The following SLC16A9 variants were observed in gnomAD, a reference collection of about 807,000 sequenced individuals.
SLC16A9 encodes monocarboxylate transporter 9.
A neutral mutation model predicts 44.3 loss-of-function variants in SLC16A9; 26 were observed. The observed-to-expected ratio is 0.59, with a 90% CI of 0.43 to 0.81. SLC16A9 has a LOEUF of 0.81. Ranked by LOEUF, SLC16A9 falls within the 40% of genes least tolerant of loss-of-function variation. SLC16A9 has a pLI of 0.00. For synonymous variants in SLC16A9, 230 were observed against 225.1 expected (o/e 1.02, Z -0.19); for missense variants, 559 against 595.8 (o/e 0.94, Z 0.64).
intron 1 of SLC16A9, among the ~76,000 whole-genome samples, chr10:59,690,395 C>A (rs1171650): frequency 2.6e-4 from 40 of 151,858 alleles, no homozygotes; most frequent in Non-Finnish European, 5.1e-4. Flanking sequence ...CAAAAGAGTA[C>A]GTACACGATT....
At chr10:59,693,178 T>C (rs781643725) in intron 1 of SLC16A9, among the ~76,000 whole-genome samples, 1 of 152,234 alleles carries the variant, frequency 6.6e-6, no homozygotes, top group African/African-American at 2.4e-5. Context: ...CTGATTTTTA[T>C]AACAATTTTT....
At chr10:59,686,187 C>T (rs746605781) in intron 1 of SLC16A9, among the ~76,000 whole-genome samples, 1 of 152,092 alleles carries the variant, frequency 6.6e-6, no homozygotes, top group Non-Finnish European at 1.5e-5. Flanking sequence ...ACATCATTAC[C>T]ACATTTGTTT....
chr10:59,659,369 C>A (rs1008346013), intron 4 of SLC16A9, among the ~76,000 whole-genome samples: 3 of 152,056 alleles, frequency 2.0e-5, no homozygotes, highest in Non-Finnish European at 4.4e-5. Context: ...AATTTTCGTT[C>A]CTTTTCTCCT....
intron 1 of SLC16A9, among the ~76,000 whole-genome samples, chr10:59,701,520 CT>C (rs1316212475): frequency 3.3e-5 from 5 of 152,190 alleles, no homozygotes; most frequent in African/African-American, 9.7e-5. Context: ...GACAATCATT[CT>C]TTCCCTCATG....
intron 1 of SLC16A9, among the ~76,000 whole-genome samples, chr10:59,687,133 G>GGCCA (rs1840152456): frequency 6.6e-6 from 1 of 152,154 alleles, no homozygotes; most frequent in Non-Finnish European, 1.5e-5. Flanking sequence ...TTGAACCCCT[G>GGCCA]ACCTCAGGTG....
intron 1 of SLC16A9, among the ~76,000 whole-genome samples, chr10:59,707,833 C>T (rs1296899024): frequency 6.6e-6 from 1 of 152,134 alleles, no homozygotes; most frequent in South Asian, 2.1e-4. Flanking sequence ...CAGATCCACC[C>T]CAGACCACCA....
intron 4 of SLC16A9, 47 bp from the exon 5 acceptor site, chr10:59,654,636 A>C (rs1839309099): frequency 6.9e-7 from 1 of 1,446,654 alleles, no homozygotes; most frequent in Non-Finnish European, 9.1e-7. Flanking sequence ...TGAGGCTCTC[A>C]GGATTAGAAT....
chr10:59,687,750 C>T (rs1276149618), intron 1 of SLC16A9, among the ~76,000 whole-genome samples: 1 of 152,024 alleles, frequency 6.6e-6, no homozygotes, highest in African/African-American at 2.4e-5. Context: ...GGCTTGAGCC[C>T]AGGAGTTCGA....
chr10:59,678,304 A>G (rs1839903967), intron 2 of SLC16A9, among the ~76,000 whole-genome samples: 2 of 151,818 alleles, frequency 1.3e-5, no homozygotes, highest in Non-Finnish European at 2.9e-5. Context: ...AGGGAGCCCA[A>G]GGTGTGAGCT....
chr10:59,682,077 C>T (rs1840038204), intron 2 of SLC16A9, among the ~76,000 whole-genome samples: 1 of 152,022 alleles, frequency 6.6e-6, no homozygotes, highest in Admixed American at 6.6e-5. Flanking sequence ...TAAGGTCACT[C>T]AGCTCAATGG....
intron 2 of SLC16A9, among the ~76,000 whole-genome samples, chr10:59,675,135 T>G (rs1291117112): frequency 6.6e-6 from 1 of 152,124 alleles, no homozygotes; most frequent in Middle Eastern, 3.2e-3. Context: ...GGTCAGAGAT[T>G]AAAGACAAAA....
chr10:59,684,099 C>T lies in SLC16A9; in HGVS notation c.193G>A (p.Ala65Thr). ...GSLASGVGLL[A>T]SPVCSLCVSS... is the part of the protein sequence containing the mutation. ...AGGCATTAATTTATCCACTTACTTG[C>T]AAGCAAGCCAACTCCACTTGCCAGG... Residue 65 changes from alanine (A) to threonine (T), a missense_variant, in exon 2 of 6, where the codon GCA becomes ACA. By Grantham distance (58) the Ala-to-Thr change is moderately conservative (BLOSUM62 0). Coordinates refer to ENST00000395348, the MANE Select transcript of SLC16A9 (RefSeq NM_194298.3). 1.2e-6 allele frequency: 2 copies of T among 1,609,264 alleles called. No individual in the cohort carries two copies. The highest frequency in any genetic ancestry group is 1.7e-6 in the Non-Finnish European group (2 of 1,177,234).
intron 5 of SLC16A9, among the ~76,000 whole-genome samples, chr10:59,653,444 A>AAAAAAAAAAAAAAAAAAC (rs1564693243): frequency 2.0e-5 from 3 of 149,022 alleles, no homozygotes; most frequent in Non-Finnish European, 4.4e-5. Flanking sequence ...AAAAAAAAAA[A>AAAAAAAAAAAAAAAAAAC]AGCAGGCATT....
chr10:59,694,833 C>CACATAT (rs778737142), intron 1 of SLC16A9, among the ~76,000 whole-genome samples: 3 of 100,092 alleles, frequency 3.0e-5, no homozygotes, highest in Non-Finnish European at 4.5e-5. Context: ...CACACACACA[C>CACATAT]ATATATATAC....
chr10:59,681,839 G>GATGTATATGTATATGTAT (rs5785398), intron 2 of SLC16A9, among the ~76,000 whole-genome samples: 1,188 of 25,906 alleles, frequency 0.046, 329 homozygotes, highest in Non-Finnish European at 0.068. Context: ...ATATGTATAT[G>GATGTATATGTATATGTAT]ATGTATATGT....
At chr10:59,678,519 CA>C (rs1839907330) in intron 2 of SLC16A9, among the ~76,000 whole-genome samples, 4 of 23,122 alleles carry the variant, frequency 1.7e-4, no homozygotes, top group Admixed American at 7.5e-4. Flanking sequence ...TTATTCCTAC[CA>C]ATCTTTTTTT....
At chr10:59,667,432 A>G (rs1015693899) in intron 3 of SLC16A9, among the ~76,000 whole-genome samples, 1 of 152,194 alleles carries the variant, frequency 6.6e-6, no homozygotes, top group Non-Finnish European at 1.5e-5. Context: ...CATGTAAGAC[A>G]ATGGCACTCT....
rs1840082607 is a variant in SLC16A9, at chr10:59,684,195, C to A, written c.97G>T (p.Val33Phe). Residue 33 changes from valine to phenylalanine, a missense_variant, in exon 2 of 6, where the codon GTT (valine) becomes TTT (phenylalanine). Transcript: ENST00000395348. ...QFLCYGSPLA[V>F]GVLYIEWLDA... ...AGCCATTCTATGTACAGGACTCCAA[C>A]AGCTAGTGGGGATCCGTAACACAAA... 2 of 1,614,046 alleles carry A rather than the reference C, an allele frequency of 1.2e-6. No individual in the cohort carries two copies. Among genetic ancestry groups the A allele is most frequent in the Non-Finnish European group, 1.7e-6 (2 of 1,179,996 alleles).
At position 59,650,986 on chromosome 10, in the gene SLC16A9, A is replaced by AG. The variant is rs1839183671; in HGVS notation, c.*1785dup. On this transcript the variant is annotated 3_prime_UTR_variant, in exon 6 of 6. Coordinates refer to ENST00000395348, the MANE Select transcript of SLC16A9 (RefSeq NM_194298.3). Reference sequence around the variant, plus strand: ...GAACTTTCAACACAACAAGTAGTTTAGTTTTTTTTTTTTTTATGTCACTTA... The same window carrying AG: ...GAACTTTCAACACAACAAGTAGTTTAGGTTTTTTTTTTTTTTATGTCACTTA... 2 of 132,520 alleles carry AG rather than the reference A, an allele frequency of 1.5e-5. No individual in the cohort carries two copies. The highest frequency in any genetic ancestry group is 3.5e-5 in the Non-Finnish European group (2 of 57,526). 8.2% of individuals were successfully genotyped at this position (132,520 alleles called of 1,614,324 possible).
Sources: gnomAD v4.1 joint callset for allele counts (sites outside exome capture counted in the v4.1 genomes callset) on GRCh38, gnomAD v4.1.1 for gene constraint, MANE v1.5 for transcripts, NCBI Gene and HGNC (gene_info 2026-07-23, HGNC 2026-07-21) for gene names.